EGFLAM: variants seen among roughly 807,000 people sequenced by gnomAD.
EGFLAM encodes the protein pikachurin.
In EGFLAM, 79 loss-of-function variants were observed where a neutral mutation model predicts 113.1. The ratio of observed to expected loss-of-function variants is 0.70; its 90% CI spans 0.58 to 0.84. The LOEUF (loss-of-function observed/expected upper bound fraction) is 0.84. EGFLAM is among the 40% of genes least tolerant of loss of function. EGFLAM has a pLI of 0.00. For synonymous variants in EGFLAM, 504 were observed against 487.6 expected, an observed-to-expected ratio of 1.03 and a Z score of -0.44; for missense variants, 1,265 against 1,291.6, an observed-to-expected ratio of 0.98 and a Z score of 0.32.
chr5:38,263,370 G>A lies in EGFLAM; in HGVS notation c.97+4519G>A, dbSNP rs1215282436. ...TCAGCTACTTGGGAGGCTGAGGCAC[G>A]AGAATCACTTTACCCTCAGAGAGGG... is the stretch of plus-strand genomic sequence containing the variant. On this transcript the variant is annotated intron_variant, in intron 1 of 21. Transcript: ENST00000322350. Among the ~76,000 whole-genome samples, 7 of 152,152 alleles carry A rather than the reference G, an allele frequency of 4.6e-5. No homozygotes were observed. The East Asian group carries it at 5.8e-4, about 13-fold the overall frequency.
intron 20 of EGFLAM, among the ~76,000 whole-genome samples, chr5:38,461,555 C>T (rs747743219): frequency 6.6e-6 from 1 of 151,648 alleles, no homozygotes; most frequent in Non-Finnish European, 1.5e-5. Context: ...CAAGCTGTTG[C>T]GGGTTCTGCC....
At position 38,464,075 on chromosome 5, in the gene EGFLAM, C is replaced by T. The variant is rs1743388126; in HGVS notation, c.*89C>T. Reference sequence around the variant, plus strand: ...CCTGCCTGATGCTATATGCAGAGGCCCAGGGACCAGGTGTGTTTCCTCTCA... The same window carrying T: ...CCTGCCTGATGCTATATGCAGAGGCTCAGGGACCAGGTGTGTTTCCTCTCA... On this transcript the variant is annotated 3_prime_UTR_variant, in exon 22 of 22. Transcript: ENST00000322350. The T allele has an allele frequency of 1.3e-6, 2 of 1,505,458 alleles. No homozygotes were observed. The highest frequency in any genetic ancestry group is 1.4e-5 in the African/African-American group (1 of 72,424). 93.3% of individuals were successfully genotyped at this position (1,505,458 alleles called of 1,614,324 possible).
At chr5:38,441,846 C>G (rs1742545084) in intron 17 of EGFLAM, among the ~76,000 whole-genome samples, 1 of 152,138 alleles carries the variant, frequency 6.6e-6, no homozygotes, top group African/African-American at 2.4e-5. Context: ...TGCTTCCCTT[C>G]CCTGTGTTTC....
At chr5:38,422,658 A>G (rs1464283501) in intron 12 of EGFLAM, among the ~76,000 whole-genome samples, 1 of 152,228 alleles carries the variant, frequency 6.6e-6, no homozygotes, top group African/African-American at 2.4e-5. Flanking sequence ...AGAATTATTT[A>G]ATGGTGGGTG....
intron 1 of EGFLAM, among the ~76,000 whole-genome samples, chr5:38,288,461 C>T (rs1758224317): frequency 6.6e-6 from 1 of 152,016 alleles, no homozygotes; most frequent in Admixed American, 6.5e-5. Flanking sequence ...AATAGAAGGC[C>T]CTCCTTTCAC....
chr5:38,459,197 G>T (rs772390879), intron 20 of EGFLAM, among the ~76,000 whole-genome samples: 5 of 151,974 alleles, frequency 3.3e-5, no homozygotes, highest in African/African-American at 4.8e-5. Flanking sequence ...TGCACCATCT[G>T]CCTTGCTATG....
intron 6 of EGFLAM, among the ~76,000 whole-genome samples, chr5:38,372,534 C>T (rs1740251421): frequency 6.6e-6 from 1 of 152,140 alleles, no homozygotes; most frequent in Non-Finnish European, 1.5e-5. Context: ...ATTGCTGGAT[C>T]CTGCTTTTCT....
At chr5:38,354,130 G>A (rs1442425602) in intron 5 of EGFLAM, among the ~76,000 whole-genome samples, 1 of 152,146 alleles carries the variant, frequency 6.6e-6, no homozygotes, top group Non-Finnish European at 1.5e-5. Context: ...GGAAAAGAGG[G>A]GAACAGAGTC....
At chr5:38,279,941 G>A (rs1757974054) in intron 1 of EGFLAM, among the ~76,000 whole-genome samples, 1 of 152,006 alleles carries the variant, frequency 6.6e-6, no homozygotes, top group Admixed American at 6.6e-5. Context: ...GTTCCACAAT[G>A]TATATATACT....
At chr5:38,400,489 A>G (rs1286747302) in intron 6 of EGFLAM, among the ~76,000 whole-genome samples, 1 of 152,186 alleles carries the variant, frequency 6.6e-6, no homozygotes, top group African/African-American at 2.4e-5. Context: ...CCCAGGCTAC[A>G]GGGAGAATTC....
chr5:38,456,976 A>ATAAT lies in EGFLAM; in HGVS notation c.2688-1333_2688-1330dup, dbSNP rs532200400. On this transcript the variant is annotated intron_variant, in intron 19 of 21. Coordinates refer to ENST00000322350, the MANE Select transcript of EGFLAM (RefSeq NM_152403.4). ...ATTTGTCGAATTAAATTTAATTAGA[A>ATAAT]TAATTGAATGAACACTGGATTAAGG... Among the ~76,000 whole-genome samples, 410 of 152,364 alleles carry ATAAT rather than the reference A, an allele frequency of 2.7e-3. 2 individuals are homozygous for ATAAT. The highest frequency in any genetic ancestry group is 5.0e-3 in the Admixed American group (76 of 15,306).
Position 38,425,130 on chromosome 5 carries a change from A to C in EGFLAM, c.1810+38A>C, listed in dbSNP as rs1223343271. 4 of 1,604,438 alleles carry C rather than the reference A, an allele frequency of 2.5e-6. No individual in the cohort carries two copies. In the South Asian group the frequency reaches 4.4e-5, roughly 18 times the overall value. ...CAAGTTGAAGGCGGTTTCTATCTGC[A>C]TGTTAATTTGTGTAGATGTACTTTA... On this transcript the variant is annotated intron_variant, in intron 13 of 21. Coordinates refer to ENST00000322350, the MANE Select transcript of EGFLAM (RefSeq NM_152403.4).
intron 12 of EGFLAM, among the ~76,000 whole-genome samples, chr5:38,422,503 C>T (rs1741861281): frequency 6.6e-6 from 1 of 152,132 alleles, no homozygotes; most frequent in Non-Finnish European, 1.5e-5. Context: ...GACCTCTTCT[C>T]ATAATGATGT....
chr5:38,448,188 T>A lies in EGFLAM; in HGVS notation c.2465-113T>A, dbSNP rs929322538. 7.8e-6 allele frequency: 9 copies of A among 1,158,388 alleles called. No individual in the cohort carries two copies. In the African/African-American group the frequency reaches 1.1e-4, roughly 14 times the overall value. 71.8% of individuals were successfully genotyped at this position (1,158,388 alleles called of 1,614,324 possible). A position where few individuals can be genotyped will look rare whatever the true frequency, so the allele number is the denominator to read the frequency against. Reference sequence around the variant, plus strand: ...CGTGCAGCCGAAGGGAAGGGGCTGATGAATTGTTAAACATCCTATTTCCAG... The same window carrying A: ...CGTGCAGCCGAAGGGAAGGGGCTGAAGAATTGTTAAACATCCTATTTCCAG... On this transcript the variant is annotated intron_variant, in intron 17 of 21. Coordinates refer to ENST00000322350, the MANE Select transcript of EGFLAM (RefSeq NM_152403.4).
intron 5 of EGFLAM, among the ~76,000 whole-genome samples, chr5:38,353,863 G>C (rs1394629023): frequency 5.9e-5 from 9 of 152,178 alleles, no homozygotes; most frequent in Admixed American, 5.9e-4. Flanking sequence ...GACCAGCCTA[G>C]CTCCCTAGGA....
chr5:38,282,230 T>C (rs1295730795), intron 1 of EGFLAM: 1 of 152,222 alleles, frequency 6.6e-6, no homozygotes, highest in Non-Finnish European at 1.5e-5. Flanking sequence ...TTGTCTTAGT[T>C]TGGATTTCCC....
intron 5 of EGFLAM, among the ~76,000 whole-genome samples, chr5:38,353,554 A>G (rs1459847493): frequency 6.6e-6 from 1 of 152,202 alleles, no homozygotes; most frequent in Non-Finnish European, 1.5e-5. Context: ...TGGAAAGCAG[A>G]TATGTGTTTC....
chr5:38,277,180 A>G (rs1757905161), intron 1 of EGFLAM, among the ~76,000 whole-genome samples: 2 of 152,134 alleles, frequency 1.3e-5, no homozygotes, highest in African/African-American at 2.4e-5. Flanking sequence ...AAATTAACAA[A>G]CCAAATTCAA....
chr5:38,285,151 T>G (rs1407090373), intron 1 of EGFLAM, among the ~76,000 whole-genome samples: 2 of 152,154 alleles, frequency 1.3e-5, no homozygotes, highest in East Asian at 3.9e-4. Context: ...GGGAACTTTT[T>G]TAAAAAAATG....
Sources: gnomAD v4.1 joint callset for allele counts (sites outside exome capture counted in the v4.1 genomes callset) on GRCh38, gnomAD v4.1.1 for gene constraint, MANE v1.5 for transcripts, NCBI Gene and HGNC (gene_info 2026-07-23, HGNC 2026-07-21) for gene names.